Variants in DNAH8 observed in about 807,000 individuals in gnomAD.
The protein encoded by DNAH8 is dynein axonemal heavy chain 8.
DNAH8 carries 382 observed loss-of-function variants against 562.1 expected under a neutral mutation model. The observed-to-expected ratio is 0.68, with a 90% CI of 0.63 to 0.74. The LOEUF is 0.74. Ranked by LOEUF, DNAH8 falls within the 30% of genes least tolerant of loss-of-function variation. The probability of loss-of-function intolerance (pLI) is 0.00; values close to 1 mark genes in which losing one functional copy is unlikely to be tolerated. For synonymous variants in DNAH8, 1,881 were observed against 1,919.4 expected (o/e 0.98, Z 0.52); for missense variants, 5,203 against 5,620.4 (o/e 0.93, Z 2.37).
At position 38,934,943 on chromosome 6, in the gene DNAH8, T is replaced by C. The variant is rs186527732; in HGVS notation, c.11458-649T>C. Among the ~76,000 whole-genome samples, 219 of 152,370 alleles carry C rather than the reference T, an allele frequency of 1.4e-3. 1 individual carries two copies. Among genetic ancestry groups the C allele is most frequent in the African/African-American group, 5.0e-3 (210 of 41,586 alleles). On this transcript the variant is annotated intron_variant, in intron 76 of 92. Transcript: ENST00000327475. ...GAAGGCTATATGAAAGTTCCTTGTA[T>C]TAGGCTTGCAACTTTTTGAATGCTT...
At chr6:38,734,420 T>C (rs577060302) in intron 4 of DNAH8, 54 bp from the exon 5 acceptor site, 1 of 1,587,628 alleles carries the variant, frequency 6.3e-7, no homozygotes, top group Non-Finnish European at 8.5e-7. Context: ...CAGTAACTTA[T>C]CTCATTTGAT....
chr6:39,009,373 C>T (rs759296997), intron 89 of DNAH8, among the ~76,000 whole-genome samples: 25 of 151,798 alleles, frequency 1.6e-4, no homozygotes, highest in South Asian at 4.2e-4. Context: ...TTCTATAAGA[C>T]GTTCCAAGTG....
At position 39,003,245 on chromosome 6, in the gene DNAH8, T is replaced by C. The variant is rs560943854; in HGVS notation, c.13215-5569T>C. On this transcript the variant is annotated intron_variant, in intron 88 of 92. Transcript: ENST00000327475. ...GATGCAATTCTCTCTTTCCATACAC[T>C]GCAGAGAAAAGGCAGAAGGGGGCGC... is the stretch of plus-strand genomic sequence containing the variant. Among the ~76,000 whole-genome samples, 5 of 152,272 alleles carry C rather than the reference T, an allele frequency of 3.3e-5. No homozygotes were observed. The East Asian group carries it at 9.6e-4, about 29-fold the overall frequency.
chr6:38,802,261 T>C (rs55891540), intron 21 of DNAH8, among the ~76,000 whole-genome samples: 18,445 of 151,974 alleles, frequency 0.12, 1,400 homozygotes, highest in Admixed American at 0.22. Flanking sequence ...GTTTTTTTTT[T>C]AGAGATGAGG....
chr6:38,892,143 C>T (rs750299387), intron 58 of DNAH8, among the ~76,000 whole-genome samples: 50 of 152,256 alleles, frequency 3.3e-4, no homozygotes, highest in Non-Finnish European at 6.5e-4. Context: ...TTTCCCTCCT[C>T]TAAACACTGA....
At position 38,873,123 on chromosome 6, in the gene DNAH8, T is replaced by C. The variant is rs759221658; in HGVS notation, c.7455T>C (p.Ala2485=). Residue 2485 remains alanine (A), a synonymous_variant, in exon 51 of 93, where the codon GCT becomes GCC. Transcript: ENST00000327475. ...RMGMVYISSS[A]LSWRPILQAW... is the part of the protein sequence containing the mutation. ...GCATGGTCTATATCAGCAGCTCTGC[T>C]CTCAGCTGGAGGCCAATCTTACAGG... The C allele has an allele frequency of 2.5e-6, 4 of 1,613,656 alleles. No individual in the cohort carries two copies. In the South Asian group the frequency reaches 4.4e-5, roughly 18 times the overall value.
At chr6:38,842,101 GA>G (rs998785196) in intron 33 of DNAH8, among the ~76,000 whole-genome samples, 5 of 152,116 alleles carry the variant, frequency 3.3e-5, no homozygotes, top group African/African-American at 1.2e-4. Flanking sequence ...AAAGTAGCAA[GA>G]TTTTTTTTCT....
chr6:38,872,840 T>A, intron 50 of DNAH8, 58 bp downstream of exon 50: 1 of 1,607,122 alleles, frequency 6.2e-7, no homozygotes, highest in Non-Finnish European at 8.5e-7. Flanking sequence ...AACACAGTAT[T>A]TTTTTGATTT....
At chr6:38,914,040 G>C in intron 67 of DNAH8, 88 bp downstream of exon 67, 1 of 975,184 alleles carries the variant, frequency 1.0e-6, no homozygotes, top group Admixed American at 2.0e-5. Flanking sequence ...GAACAAGCAG[G>C]GTATAAACCC....
In DNAH8 at chr6:38,823,547, A is replaced by G. The variant is rs376109800; in HGVS notation, c.3721-15A>G. Reference sequence around the variant, plus strand: ...CTGTTAAAAAATTAAAATATTGACTATTTTCTTACCACAGGAATTTTTGGC... The same window carrying G: ...CTGTTAAAAAATTAAAATATTGACTGTTTTCTTACCACAGGAATTTTTGGC... On this transcript the variant is annotated splice_polypyrimidine_tract_variant and intron_variant, in intron 27 of 92. Coordinates refer to ENST00000327475, the MANE Select transcript of DNAH8 (RefSeq NM_001206927.2). The G allele has an allele frequency of 5.7e-6, 9 of 1,580,456 alleles. No homozygotes were observed. Among genetic ancestry groups the G allele is most frequent in the Non-Finnish European group, 7.8e-6 (9 of 1,155,004 alleles).
chr6:38,981,600 C>T (rs189094082), intron 85 of DNAH8, among the ~76,000 whole-genome samples: 180 of 152,296 alleles, frequency 1.2e-3, no homozygotes, highest in African/African-American at 4.0e-3. Flanking sequence ...AAAGGGAAGC[C>T]ATCACAGAAT....
At chr6:38,854,611 T>C (rs1173739553) in intron 41 of DNAH8, among the ~76,000 whole-genome samples, 1 of 152,190 alleles carries the variant, frequency 6.6e-6, no homozygotes, top group Non-Finnish European at 1.5e-5. Context: ...ATAAAGCTTA[T>C]AAAATACTTT....
At chr6:38,773,032 G>T (rs1309808639) in intron 12 of DNAH8, among the ~76,000 whole-genome samples, 1 of 130,606 alleles carries the variant, frequency 7.7e-6, no homozygotes, top group African/African-American at 3.0e-5. Context: ...TGATGAGCTG[G>T]TCTTGAACTC....
At chr6:38,800,577 C>T (rs972028973) in intron 21 of DNAH8, among the ~76,000 whole-genome samples, 12 of 152,188 alleles carry the variant, frequency 7.9e-5, no homozygotes, top group African/African-American at 2.4e-4. Flanking sequence ...AGTGCAGTGG[C>T]GCCATCTTGG....
chr6:38,994,474 C>T (rs1023941478), intron 88 of DNAH8, among the ~76,000 whole-genome samples: 1 of 148,368 alleles, frequency 6.7e-6, no homozygotes, highest in Non-Finnish European at 1.5e-5. Context: ...CTTCTTCCCT[C>T]ATCAGGGTAT....
In DNAH8 at chr6:38,883,381, GA is replaced by G. The variant is rs1311693219; in HGVS notation, c.8067del (p.Lys2689AsnfsTer12). 2.0e-5 allele frequency: 32 copies of G among 1,613,114 alleles called. No homozygotes were observed. The highest frequency in any genetic ancestry group is 2.5e-5 in the Non-Finnish European group (30 of 1,179,502). Reference protein sequence around the residue: ...AKTVMVKAYLKKYDPEVQLSK... With the variant: ...AKTVMVKAYLXKYDPEVQLSK... ...AAACTGTCATGGTTAAGGCCTATTT[GA>G]AAAAATATGATCCTGAAGTACAGCT... On this transcript the variant is annotated frameshift_variant, in exon 55 of 93. Transcript: ENST00000327475. LOFTEE classifies it high-confidence loss of function.
intron 82 of DNAH8, among the ~76,000 whole-genome samples, chr6:38,962,902 A>T (rs867710802): frequency 2.5e-4 from 38 of 152,276 alleles, no homozygotes; most frequent in Middle Eastern, 6.8e-3. Flanking sequence ...ATATGTTCTC[A>T]CTCATAAGTG....
chr6:38,977,950 A>G (rs1046096147), intron 85 of DNAH8, among the ~76,000 whole-genome samples: 3 of 152,286 alleles, frequency 2.0e-5, no homozygotes, highest in African/African-American at 7.2e-5. Context: ...CTTTTTAAAA[A>G]CTTCCAAGTG....
rs1268443427 is a variant in DNAH8 at position 38,873,845 on chromosome 6, GT to G, written c.7620+471del. 3.9e-4 allele frequency among the ~76,000 whole-genome samples: 59 copies of G among 150,984 alleles called. 2 individuals are homozygous for G. In the South Asian group the frequency reaches 0.012, roughly 30 times the overall value. On this transcript the variant is annotated intron_variant, in intron 52 of 92. Transcript: ENST00000327475. ...AAATAAGTAAATAAAAATAAATAAAGTTGGTAGCTTCGTGGGAAAGAACAGA... is the reference window on the plus strand; with the variant it reads ...AAATAAGTAAATAAAAATAAATAAAGTGGTAGCTTCGTGGGAAAGAACAGA...
Sources: gnomAD v4.1 joint callset for allele counts (sites outside exome capture counted in the v4.1 genomes callset) on GRCh38, gnomAD v4.1.1 for gene constraint, MANE v1.5 for transcripts, NCBI Gene and HGNC (gene_info 2026-07-23, HGNC 2026-07-21) for gene names.